TLN2: variants seen among roughly 807,000 people sequenced by gnomAD.
TLN2 encodes the protein talin 2.
Under a neutral mutation model 294.7 loss-of-function variants are expected in TLN2, and 118 were observed. That is an observed-to-expected ratio of 0.40 (90% confidence interval 0.34 to 0.47). The LOEUF is 0.47. Ranked by LOEUF, TLN2 falls within the 20% of genes least tolerant of loss-of-function variation. TLN2 has a pLI of 0.84. For missense variants in TLN2, 3,083 were observed against 3,282.2 expected (o/e 0.94, Z 1.48); for synonymous variants, 1,431 against 1,304.5 (o/e 1.10, Z -2.09).
At chr15:62,501,225 A>G (rs1476173721) in intron 1 of TLN2, among the ~76,000 whole-genome samples, 1 of 152,138 alleles carries the variant, frequency 6.6e-6, no homozygotes, top group Admixed American at 6.5e-5. Flanking sequence ...TCTTGCTTCT[A>G]CTTGGCCAAA....
intron 54 of TLN2, among the ~76,000 whole-genome samples, chr15:62,822,889 G>A (rs62004653): frequency 6.6e-6 from 1 of 152,176 alleles, no homozygotes; most frequent in Non-Finnish European, 1.5e-5. Context: ...TGATGGAATT[G>A]GGATGATGGA....
At chr15:62,670,861 A>C (rs1567311711) in intron 9 of TLN2, among the ~76,000 whole-genome samples, 2 of 152,322 alleles carry the variant, frequency 1.3e-5, no homozygotes, top group South Asian at 4.1e-4. Context: ...GGAACTACCA[A>C]ACTTTTTTAC....
chr15:62,620,593 C>G (rs1177469452), intron 3 of TLN2, among the ~76,000 whole-genome samples: 2 of 151,912 alleles, frequency 1.3e-5, no homozygotes, highest in African/African-American at 4.8e-5. Context: ...ATCCTCCTAC[C>G]TCAGCCTCCC....
intron 3 of TLN2, among the ~76,000 whole-genome samples, chr15:62,622,029 C>T (rs1046831438): frequency 6.6e-6 from 1 of 152,022 alleles, no homozygotes; most frequent in African/African-American, 2.4e-5. Flanking sequence ...TCCCATCCTT[C>T]CCCGGCAGTG....
At chr15:62,660,241 G>C (rs2053667843) in intron 9 of TLN2, among the ~76,000 whole-genome samples, 1 of 152,144 alleles carries the variant, frequency 6.6e-6, no homozygotes, top group Admixed American at 6.5e-5. Context: ...ATTTTTATGA[G>C]ATTCGCTTCG....
intron 21 of TLN2, 50 bp downstream of exon 21, chr15:62,708,846 G>C (rs1303392128): frequency 6.5e-7 from 1 of 1,549,320 alleles, no homozygotes; most frequent in South Asian, 1.2e-5. Flanking sequence ...TGATGTTCCT[G>C]ATGGTGGTGC....
rs1262371986 is a variant in TLN2, at chr15:62,564,917, A to AT, written c.-237-24770_-237-24769insT. Among the ~76,000 whole-genome samples, 208 of 124,678 alleles carry AT rather than the reference A, an allele frequency of 1.7e-3. 1 individual carries two copies. The highest frequency in any genetic ancestry group is 8.9e-3 in the East Asian group (44 of 4,938). The allele number at this position is 124,678 out of a possible 152,430, so 81.8% of individuals were successfully genotyped here. A position where few individuals can be genotyped will look rare whatever the true frequency, so the allele number is the denominator to read the frequency against. On this transcript the variant is annotated intron_variant, in intron 1 of 58. Transcript: ENST00000636159. Reference sequence around the variant, plus strand: ...AAAAACTCCATCTCAAAAAAAAAAAAAAAAAAAAATATATATATATATATA... The same window carrying AT: ...AAAAACTCCATCTCAAAAAAAAAAAATAAAAAAAAATATATATATATATATA...
chr15:62,797,567 T>C (rs925408216), intron 48 of TLN2, among the ~76,000 whole-genome samples, 165 bp downstream of exon 48: 17 of 152,168 alleles, frequency 1.1e-4, no homozygotes, highest in East Asian at 1.9e-4. Flanking sequence ...CCAAGCGAGA[T>C]AGTGGCACAG....
At chr15:62,546,279 G>A (rs1326839452) in intron 1 of TLN2, among the ~76,000 whole-genome samples, 2 of 152,160 alleles carry the variant, frequency 1.3e-5, no homozygotes, top group African/African-American at 4.8e-5. Context: ...TTTCCTTTAA[G>A]AAGCCTCCAG....
At chr15:62,492,000 A>G (rs1053309787) in intron 1 of TLN2, among the ~76,000 whole-genome samples, 2 of 152,100 alleles carry the variant, frequency 1.3e-5, no homozygotes, top group African/African-American at 4.8e-5. Context: ...TTTTCTCTCA[A>G]TTTCTGGTAT....
In TLN2 at chr15:62,701,094, C is replaced by T; in HGVS notation, c.1588-12C>T. ...TGCTGTGATTGTGTTGTGCCGTTGT[C>T]TGGCTTTGCAGGCATCTAGGGTATG... On this transcript the variant is annotated splice_polypyrimidine_tract_variant and intron_variant, in intron 16 of 58. Transcript: ENST00000636159. 2 of 1,611,608 alleles carry T rather than the reference C, an allele frequency of 1.2e-6. No homozygotes were observed. Among genetic ancestry groups the T allele is most frequent in the Non-Finnish European group, 1.7e-6 (2 of 1,178,676 alleles).
Position 62,776,362 on chromosome 15 carries a change from AT to A in TLN2, c.5368-401del, listed in dbSNP as rs554092238. ...CAGTCTTATCTTTAGACGGGGAACT[AT>A]AGTGTGTTGGGCAACTTTGAAGAGA... On this transcript the variant is annotated intron_variant, in intron 42 of 58. Coordinates refer to ENST00000636159, the MANE Select transcript of TLN2 (RefSeq NM_015059.3). 3.7e-4 allele frequency among the ~76,000 whole-genome samples: 57 copies of A among 152,326 alleles called. 2 individuals carry two copies. The East Asian group carries it at 0.011, about 29-fold the overall frequency.
intron 2 of TLN2, among the ~76,000 whole-genome samples, chr15:62,598,999 T>G (rs2046778455): frequency 6.6e-6 from 1 of 152,104 alleles, no homozygotes; most frequent in Non-Finnish European, 1.5e-5. Context: ...TTCTTCTCTG[T>G]TTTCCCCTGG....
intron 54 of TLN2, among the ~76,000 whole-genome samples, chr15:62,825,865 T>TA (rs1442570556): frequency 1.3e-4 from 13 of 96,522 alleles, no homozygotes; most frequent in African/African-American, 5.8e-4. Flanking sequence ...TATATATATA[T>TA]ATTTATATAT....
intron 1 of TLN2, among the ~76,000 whole-genome samples, chr15:62,424,001 G>A (rs56235109): frequency 0.2 from 29,948 of 152,126 alleles, 3,042 homozygotes; most frequent in Non-Finnish European, 0.22. Context: ...TGTAATCTGG[G>A]TAGCAAAATG....
At chr15:62,807,439 A>C (rs967581056) in intron 51 of TLN2, among the ~76,000 whole-genome samples, 8 of 152,194 alleles carry the variant, frequency 5.3e-5, no homozygotes, top group Non-Finnish European at 1.2e-4. Flanking sequence ...AACTGAAATT[A>C]GCTCTCCTGA....
At chr15:62,522,679 T>C (rs1018018160) in intron 1 of TLN2, among the ~76,000 whole-genome samples, 5 of 152,234 alleles carry the variant, frequency 3.3e-5, no homozygotes, top group African/African-American at 1.2e-4. Flanking sequence ...TGTTCTTCTG[T>C]TTGGCAGGTT....
In TLN2 at chr15:62,840,466, G is replaced by T. The variant is rs751149673; in HGVS notation, c.7501-16G>T. The T allele has an allele frequency of 4.3e-6, 7 of 1,613,960 alleles. No individual in the cohort carries two copies. The South Asian group carries it at 6.6e-5, about 15-fold the overall frequency. On this transcript the variant is annotated splice_polypyrimidine_tract_variant and intron_variant, in intron 58 of 58. Coordinates refer to ENST00000636159, the MANE Select transcript of TLN2 (RefSeq NM_015059.3). ...ACAAAGTGTTAGGTCCATCCAGCTT[G>T]TTGCTTTCTTTCTAGATCATCGCCG...
intron 3 of TLN2, among the ~76,000 whole-genome samples, chr15:62,644,182 A>C: frequency 6.9e-6 from 1 of 144,732 alleles, no homozygotes; most frequent in Non-Finnish European, 1.5e-5. Context: ...ATCCCACTAA[A>C]GCCCTCCAAT....
Sources: allele counts gnomAD v4.1 joint callset (sites outside exome capture counted in the v4.1 genomes callset), GRCh38; gene constraint gnomAD v4.1.1; transcripts MANE v1.5; gene names NCBI Gene and HGNC (gene_info 2026-07-23, HGNC 2026-07-21).